CUL2: variants seen among roughly 807,000 people sequenced by gnomAD.
The protein encoded by CUL2 is cullin 2.
In CUL2, 22 loss-of-function variants were observed where a neutral mutation model predicts 110.2. The observed-to-expected ratio is 0.20, with a 90% CI of 0.14 to 0.28. The LOEUF is 0.28. Ranked by LOEUF, CUL2 falls within the 10% of genes least tolerant of loss-of-function variation. The pLI is 1.00. For missense variants in CUL2, 631 were observed against 905.5 expected (o/e 0.70, Z 3.89); for synonymous variants, 279 against 293.2 (o/e 0.95, Z 0.49).
chr10:35,026,747 C>A (rs951765127), intron 16 of CUL2, among the ~76,000 whole-genome samples: 5 of 152,130 alleles, frequency 3.3e-5, no homozygotes, highest in African/African-American at 7.2e-5. Context: ...AGTTATAAAA[C>A]CTTCCTTGAT....
chr10:35,067,926 T>C (rs2134968717), intron 2 of CUL2, among the ~76,000 whole-genome samples: 1 of 151,568 alleles, frequency 6.6e-6, no homozygotes, highest in South Asian at 2.1e-4. Flanking sequence ...GTTAACACGG[T>C]GAAACCCTGT....
intron 1 of CUL2, among the ~76,000 whole-genome samples, chr10:35,116,355 T>A (rs778357065): frequency 2.6e-4 from 40 of 151,528 alleles, no homozygotes; most frequent in Non-Finnish European, 5.5e-4. Context: ...AAAAAAAAAA[T>A]TATGAACAAT....
At chr10:35,092,255 C>T (rs754249159), upstream of CUL2, among the ~76,000 whole-genome samples, 2 of 152,210 alleles carry the variant, frequency 1.3e-5, no homozygotes, top group Non-Finnish European at 2.9e-5. Context: ...CATGCCTGGC[C>T]TCCTCTGTCT....
At chr10:35,115,392 T>G (rs1184596350) in intron 1 of CUL2, among the ~76,000 whole-genome samples, 1 of 149,506 alleles carries the variant, frequency 6.7e-6, no homozygotes, top group Non-Finnish European at 1.5e-5. Flanking sequence ...AAACCCCGTC[T>G]CTACTAAAAC....
At chr10:35,067,882 C>T (rs2086573911) in intron 2 of CUL2, among the ~76,000 whole-genome samples, 1 of 151,552 alleles carries the variant, frequency 6.6e-6, no homozygotes, top group Admixed American at 6.6e-5. Context: ...CTGAGGCAGG[C>T]GGATCACGAG....
chr10:35,119,560 TTTTATTTA>T (rs10589195), intron 1 of CUL2, among the ~76,000 whole-genome samples: 8,787 of 140,648 alleles, frequency 0.062, 351 homozygotes, highest in South Asian at 0.13. Flanking sequence ...TTAAAATTAA[TTTTATTTA>T]TTTATTTATT....
chr10:35,044,318 G>A (rs892536715), intron 8 of CUL2, among the ~76,000 whole-genome samples: 1 of 151,968 alleles, frequency 6.6e-6, no homozygotes, highest in Non-Finnish European at 1.5e-5. Context: ...TCAAGGACAA[G>A]TAAACCAAGC....
chr10:35,075,450 C>T lies in CUL2; in HGVS notation c.-22-4111G>A, dbSNP rs535403719. Among the ~76,000 whole-genome samples the T allele has an allele frequency of 8.3e-4, 126 of 152,286 alleles. 1 individual carries two copies. Among genetic ancestry groups the T allele is most frequent in the Non-Finnish European group, 1.4e-3 (97 of 68,020 alleles). Reference sequence around the variant, plus strand: ...AACTCATAAATCTATCAGTCTTGTTCTTCATTCCTGTGCCTTAACGAGATT... The same window carrying T: ...AACTCATAAATCTATCAGTCTTGTTTTTCATTCCTGTGCCTTAACGAGATT... On this transcript the variant is annotated intron_variant, in intron 1 of 20. Coordinates refer to ENST00000374749, the MANE Select transcript of CUL2 (RefSeq NM_003591.4).
At chr10:35,075,682 ACG>A (rs1491114710) in intron 1 of CUL2, among the ~76,000 whole-genome samples, 42 of 139,194 alleles carry the variant, frequency 3.0e-4, no homozygotes, top group Admixed American at 2.2e-3. Context: ...ACACACACAC[ACG>A]CACGCTCCAC....
At chr10:35,043,712 C>T (rs900945053) in intron 8 of CUL2, among the ~76,000 whole-genome samples, 1 of 152,094 alleles carries the variant, frequency 6.6e-6, no homozygotes, top group Non-Finnish European at 1.5e-5. Flanking sequence ...TCTTCTACTA[C>T]TGAGAAAATA....
chr10:35,123,809 A>G (rs1175318706), intron 1 of CUL2, among the ~76,000 whole-genome samples: 3 of 152,246 alleles, frequency 2.0e-5, no homozygotes, highest in Non-Finnish European at 1.5e-5. Context: ...GTGTTTGGAA[A>G]TGTGACCTGG....
At chr10:35,105,804 C>G (rs1461855642) in intron 1 of CUL2, among the ~76,000 whole-genome samples, 1 of 146,148 alleles carries the variant, frequency 6.8e-6, no homozygotes, top group South Asian at 2.2e-4. Flanking sequence ...ATGAACCTGG[C>G]TCCTGAAAGA....
chr10:35,097,623 AT>A (rs1299666173), intron 2 of CUL2, among the ~76,000 whole-genome samples: 2 of 152,002 alleles, frequency 1.3e-5, no homozygotes, highest in African/African-American at 4.8e-5. Flanking sequence ...CTCTGTGATC[AT>A]CCTCCCCAAA....
intron 8 of CUL2, among the ~76,000 whole-genome samples, chr10:35,044,144 G>A (rs779063351): frequency 6.7e-6 from 1 of 149,760 alleles, no homozygotes; most frequent in African/African-American, 2.5e-5. Context: ...TCATCCAAAT[G>A]TCTAGAATTA....
At chr10:35,075,343 T>C (rs2086788739) in intron 1 of CUL2, among the ~76,000 whole-genome samples, 1 of 152,062 alleles carries the variant, frequency 6.6e-6, no homozygotes, top group Non-Finnish European at 1.5e-5. Context: ...TCAGGGAAAG[T>C]TTACACAAGG....
At chr10:35,096,628 A>G (rs544042241) in intron 2 of CUL2, among the ~76,000 whole-genome samples, 1 of 152,086 alleles carries the variant, frequency 6.6e-6, no homozygotes, top group African/African-American at 2.4e-5. Flanking sequence ...AAACAAATAA[A>G]CAAAACTGTA....
At chr10:35,074,462 T>C in intron 1 of CUL2, 4 of 559,684 alleles carry the variant, frequency 7.1e-6, no homozygotes, top group South Asian at 2.1e-5. Context: ...CCTCCACCCA[T>C]TCCACCTAAC....
chr10:35,102,776 G>A (rs950133875), intron 1 of CUL2, among the ~76,000 whole-genome samples: 4 of 151,640 alleles, frequency 2.6e-5, no homozygotes, highest in South Asian at 4.2e-4. Context: ...CCGGCTACTC[G>A]GGAGGCTGAG....
intron 1 of CUL2, among the ~76,000 whole-genome samples, chr10:35,106,569 T>C (rs79175004): frequency 1.3e-5 from 2 of 151,818 alleles, no homozygotes; most frequent in Admixed American, 6.6e-5. Flanking sequence ...CCTGACCTCA[T>C]GATCCGCCCA....
Sources: allele counts gnomAD v4.1 joint callset (sites outside exome capture counted in the v4.1 genomes callset), GRCh38; gene constraint gnomAD v4.1.1; transcripts MANE v1.5; gene names NCBI Gene and HGNC (gene_info 2026-07-23, HGNC 2026-07-21).